Variants in TJP1 observed in about 807,000 individuals in gnomAD.
The protein encoded by TJP1 is tight junction protein 1.
Under a neutral mutation model 194.2 loss-of-function variants are expected in TJP1, and 43 were observed. The ratio of observed to expected loss-of-function variants is 0.22; its 90% CI spans 0.17 to 0.29. The LOEUF (loss-of-function observed/expected upper bound fraction) is 0.29, where lower values mean the gene tolerates loss of function less well. Ranked by LOEUF, TJP1 falls within the 10% of genes least tolerant of loss-of-function variation. The probability of loss-of-function intolerance (pLI) is 1.00; values close to 1 mark genes in which losing one functional copy is unlikely to be tolerated. For missense variants in TJP1, 1,971 were observed against 2,185.7 expected (o/e 0.90, Z 1.96); for synonymous variants, 801 against 779.0 (o/e 1.03, Z -0.47).
intron 2 of TJP1, among the ~76,000 whole-genome samples, chr15:29,789,556 T>C (rs2047937285): frequency 6.6e-6 from 1 of 152,192 alleles, no homozygotes. Flanking sequence ...CAATGGTTTC[T>C]AGAAATATAA....
chr15:29,732,974 T>C (rs2043766548), intron 13 of TJP1, 120 bp downstream of exon 13: 5 of 1,281,022 alleles, frequency 3.9e-6, no homozygotes, highest in Non-Finnish European at 5.4e-6. Context: ...AAGTCAGTTA[T>C]AGATACGTTG....
At chr15:29,819,773 TCAC>T (rs1938433740) in intron 1 of TJP1, among the ~76,000 whole-genome samples, 1 of 152,230 alleles carries the variant, frequency 6.6e-6, no homozygotes, top group South Asian at 2.1e-4. Context: ...TATTCAGATC[TCAC>T]TTTATGTCCT....
At position 29,718,012 on chromosome 15, in the gene TJP1, T is replaced by G. The variant is rs749491457; in HGVS notation, c.3974+9A>C. The G allele has an allele frequency of 1.2e-6, 2 of 1,603,772 alleles. No homozygotes were observed. The highest frequency in any genetic ancestry group is 1.7e-6 in the Non-Finnish European group (2 of 1,176,330). On this transcript the variant is annotated intron_variant, in intron 22 of 27. Coordinates refer to ENST00000614355, the MANE Select transcript of TJP1 (RefSeq NM_001330239.4). ...GTTCTATGCCACAAAGAGCACAAAG[T>G]GTACTCACCTGTACAGAGTTTTGTC...
chr15:29,956,855 T>G (rs2055962941), intron 1 of TJP1, among the ~76,000 whole-genome samples: 1 of 152,018 alleles, frequency 6.6e-6, no homozygotes, highest in Non-Finnish European at 1.5e-5. Context: ...CACTCCAGCC[T>G]GAGAGATAAG....
intron 2 of TJP1, among the ~76,000 whole-genome samples, chr15:29,933,084 TCA>T (rs1489932306): frequency 6.6e-6 from 1 of 152,134 alleles, no homozygotes; most frequent in African/African-American, 2.4e-5. Flanking sequence ...CCCTCATGCA[TCA>T]CACACACACA....
At chr15:29,932,403 T>C (rs1031925961) in intron 2 of TJP1, among the ~76,000 whole-genome samples, 1 of 152,158 alleles carries the variant, frequency 6.6e-6, no homozygotes, top group Non-Finnish European at 1.5e-5. Context: ...ACCCAATATA[T>C]GGTGCTGAGA....
intron 2 of TJP1, among the ~76,000 whole-genome samples, chr15:29,840,563 A>G (rs965633592): frequency 2.0e-5 from 3 of 152,262 alleles, no homozygotes; most frequent in East Asian, 1.9e-4. Context: ...CAGGAGCTGA[A>G]TCTTGGGCAT....
intron 2 of TJP1, among the ~76,000 whole-genome samples, chr15:29,921,683 G>A (rs2152250657): frequency 6.6e-6 from 1 of 152,186 alleles, no homozygotes; most frequent in South Asian, 2.1e-4. Flanking sequence ...CATTTTGATG[G>A]ATCATATTTT....
exon 1 of TJP1, chr15:29,968,847 C>G (rs2056422874): frequency 2.7e-6 from 2 of 740,056 alleles, no homozygotes; most frequent in African/African-American, 3.8e-5. Flanking sequence ...CATAGATCAG[C>G]TCTGGGCCAT....
At chr15:29,936,138 G>T (rs532100239) in intron 2 of TJP1, among the ~76,000 whole-genome samples, 1 of 151,858 alleles carries the variant, frequency 6.6e-6, no homozygotes, top group East Asian at 1.9e-4. Flanking sequence ...CCTCCTATGC[G>T]CTAGAGTCCA....
At chr15:29,869,065 T>A (rs953850913) in intron 2 of TJP1, among the ~76,000 whole-genome samples, 3 of 152,218 alleles carry the variant, frequency 2.0e-5, no homozygotes, top group Non-Finnish European at 4.4e-5. Flanking sequence ...GCTTAATAAA[T>A]GTGTTTCATG....
At chr15:29,762,623 C>T (rs1420086638) in intron 5 of TJP1, among the ~76,000 whole-genome samples, 185 bp from the exon 6 acceptor site, 2 of 152,112 alleles carry the variant, frequency 1.3e-5, no homozygotes, top group Non-Finnish European at 2.9e-5. Context: ...GCAATGTCTC[C>T]GTGAAAGCCA....
intron 27 of TJP1, among the ~76,000 whole-genome samples, chr15:29,703,369 C>G (rs12898678): frequency 6.6e-6 from 1 of 151,774 alleles, no homozygotes; most frequent in Non-Finnish European, 1.5e-5. Flanking sequence ...AGCTGGGAGG[C>G]GAAGGTTGCA....
At chr15:29,803,007 G>A (rs1347492662) in intron 1 of TJP1, among the ~76,000 whole-genome samples, 1 of 152,054 alleles carries the variant, frequency 6.6e-6, no homozygotes, top group East Asian at 1.9e-4. Context: ...AACATTAAGG[G>A]GGGAGCAGGT....
chr15:29,814,274 G>A (rs962421439), intron 1 of TJP1, among the ~76,000 whole-genome samples: 3 of 152,186 alleles, frequency 2.0e-5, no homozygotes, highest in Non-Finnish European at 2.9e-5. Flanking sequence ...GTATTTTTAA[G>A]AGTAAACAAT....
chr15:29,791,413 CTTTTTTTT>C (rs34201715), intron 2 of TJP1, among the ~76,000 whole-genome samples: 20 of 51,204 alleles, frequency 3.9e-4, no homozygotes, highest in African/African-American at 1.4e-3. Context: ...CCATAATATT[CTTTTTTTT>C]TTTTTTTTTT....
Position 29,718,788 on chromosome 15 carries a change from C to A in TJP1, c.3354G>T (p.Gln1118His), listed in dbSNP as rs2042744247. Residue 1118 changes from glutamine (Q) to histidine (H), a missense_variant, in exon 21 of 28, where the codon CAG (glutamine) becomes CAT (histidine). Gln to His is a conservative substitution (Grantham distance 24). Around this residue, in one of 5 missense-constraint regions of TJP1, gnomAD observed 1,108 missense variants for 1,128.5 expected, o/e 0.98. Coordinates refer to ENST00000614355, the MANE Select transcript of TJP1 (RefSeq NM_001330239.4). ...CTCGTTCTGAGGACTCTTCGGGATGCTGTCTGGAGTCAAGGTCTTGAGAGT... is the reference window on the plus strand; with the variant it reads ...CTCGTTCTGAGGACTCTTCGGGATGATGTCTGGAGTCAAGGTCTTGAGAGT... Reference protein sequence around the residue: ...NQHSQDLDSRQHPEESSERGY... With the variant: ...NQHSQDLDSRHHPEESSERGY... 1.2e-6 allele frequency: 2 copies of A among 1,614,162 alleles called. No individual in the cohort carries two copies. Among genetic ancestry groups the A allele is most frequent in the Non-Finnish European group, 1.7e-6 (2 of 1,180,038 alleles).
chr15:29,902,137 T>C (rs943235412), intron 2 of TJP1, among the ~76,000 whole-genome samples: 1 of 152,230 alleles, frequency 6.6e-6, no homozygotes, highest in African/African-American at 2.4e-5. Flanking sequence ...TCATATTTTA[T>C]TCTTTAATTT....
At chr15:29,953,920 G>A (rs2055848291) in intron 2 of TJP1, among the ~76,000 whole-genome samples, 1 of 152,108 alleles carries the variant, frequency 6.6e-6, no homozygotes, top group African/African-American at 2.4e-5. Context: ...ATGAAGCCAA[G>A]GGAACCATTA....
Sources: gnomAD v4.1 joint callset for allele counts (sites outside exome capture counted in the v4.1 genomes callset) on GRCh38, gnomAD v4.1.1 for gene constraint, gnomAD v4.1.1 regional missense constraint, MANE v1.5 for transcripts, NCBI Gene and HGNC (gene_info 2026-07-23, HGNC 2026-07-21) for gene names.